Variants in ELOC observed in about 807,000 individuals in gnomAD.
The protein encoded by ELOC is elongin C, also known as elongin-C.
For synonymous variants in ELOC, 40 were observed against 51.3 expected (o/e 0.78, Z 0.94); for missense variants, 38 against 139.0 (o/e 0.27, Z 3.65).
At chr8:73,955,709 G>T in intron 3 of ELOC, 1 of 592,930 alleles carries the variant, frequency 1.7e-6, no homozygotes, top group Non-Finnish European at 3.0e-6. Flanking sequence ...AGATTGCAGT[G>T]AGCTGAGACC....
intron 1 of ELOC, among the ~76,000 whole-genome samples, chr8:73,968,919 T>G (rs1815173290): frequency 6.6e-6 from 1 of 152,220 alleles, no homozygotes; most frequent in South Asian, 2.1e-4. Context: ...CATTTCTTCC[T>G]TAGTACTCCA....
intron 1 of ELOC, among the ~76,000 whole-genome samples, chr8:73,960,295 T>A (rs571543876): frequency 1.3e-5 from 2 of 152,292 alleles, no homozygotes; most frequent in African/African-American, 4.8e-5. Context: ...GGTCCTGTTG[T>A]ATAATAAAGA....
intron 1 of ELOC, among the ~76,000 whole-genome samples, chr8:73,968,888 C>T (rs994679855): frequency 1.3e-5 from 2 of 152,192 alleles, no homozygotes; most frequent in African/African-American, 4.8e-5. Flanking sequence ...TATACAATTG[C>T]CTACTCCCTC....
intron 3 of ELOC, among the ~76,000 whole-genome samples, chr8:73,952,459 G>A (rs1287704295): frequency 6.8e-6 from 1 of 147,978 alleles, no homozygotes; most frequent in Non-Finnish European, 1.5e-5. Flanking sequence ...AAAAATAAAA[G>A]TGTGCTTCAA....
chr8:73,949,057 G>A (rs1813574693), intron 3 of ELOC, among the ~76,000 whole-genome samples: 1 of 152,086 alleles, frequency 6.6e-6, no homozygotes, highest in African/African-American at 2.4e-5. Context: ...GTATCATTTA[G>A]CCTTTACACA....
intron 1 of ELOC, among the ~76,000 whole-genome samples, chr8:73,969,161 A>G (rs541632659): frequency 4.6e-5 from 7 of 152,314 alleles, no homozygotes; most frequent in Non-Finnish European, 1.0e-4. Context: ...GGTGTCTACT[A>G]GTTATCGAAC....
At chr8:73,964,930 G>A (rs781710818) in intron 1 of ELOC, among the ~76,000 whole-genome samples, 1 of 150,850 alleles carries the variant, frequency 6.6e-6, no homozygotes, top group South Asian at 2.1e-4. Context: ...GGGAGGCTGA[G>A]ATGGGAGAAT....
chr8:73,951,409 T>C (rs1321897007), intron 3 of ELOC, among the ~76,000 whole-genome samples: 3 of 152,288 alleles, frequency 2.0e-5, no homozygotes, highest in Non-Finnish European at 4.4e-5. Flanking sequence ...CTCACACCTG[T>C]AACCCCAGCA....
intron 3 of ELOC, among the ~76,000 whole-genome samples, chr8:73,950,482 A>G (rs552006735): frequency 3.3e-5 from 5 of 152,352 alleles, no homozygotes; most frequent in Admixed American, 3.3e-4. Context: ...ATGTAACCAA[A>G]TAATATCTTA....
Position 73,946,380 on chromosome 8 carries a change from T to C in ELOC, c.*250A>G. On this transcript the variant is annotated 3_prime_UTR_variant, in exon 4 of 4. Transcript: ENST00000520242. The stretch of plus-strand genomic sequence containing the variant: ...CTGATTTTAAGTCACATTCAAAGGA[T>C]AAGGCAAAACCACCTACGAATTGGC... 1 of 360,820 alleles carries C rather than the reference T, an allele frequency of 2.8e-6. No individual in the cohort carries two copies. Among genetic ancestry groups the C allele is most frequent in the East Asian group, 4.3e-5 (1 of 23,068 alleles). 22.4% of individuals were successfully genotyped at this position (360,820 alleles called of 1,614,324 possible). A position where few individuals can be genotyped will look rare whatever the true frequency, so the allele number is the denominator to read the frequency against.
chr8:73,957,040 G>A (rs1340295097), intron 2 of ELOC, among the ~76,000 whole-genome samples: 1 of 152,004 alleles, frequency 6.6e-6, no homozygotes, highest in East Asian at 1.9e-4. Flanking sequence ...GGGCGTGGTG[G>A]CGGGTGCCTG....
At chr8:73,962,873 T>G (rs568460341) in intron 1 of ELOC, among the ~76,000 whole-genome samples, 5 of 152,364 alleles carry the variant, frequency 3.3e-5, no homozygotes, top group Non-Finnish European at 7.3e-5. Flanking sequence ...TTAAAATTCC[T>G]AATTCTTAGG....
chr8:73,966,246 T>C (rs1814960653), intron 1 of ELOC, among the ~76,000 whole-genome samples: 1 of 152,080 alleles, frequency 6.6e-6, no homozygotes, highest in African/African-American at 2.4e-5. Context: ...ACATACGGCA[T>C]GGTGAAGAAC....
chr8:73,952,480 TAAAA>T (rs754933689), intron 3 of ELOC, among the ~76,000 whole-genome samples: 5 of 133,384 alleles, frequency 3.7e-5, no homozygotes, highest in Non-Finnish European at 8.2e-5. Context: ...ATGACACCAT[TAAAA>T]AAAAAAAAAA....
intron 1 of ELOC, among the ~76,000 whole-genome samples, chr8:73,962,646 G>C (rs1163925399): frequency 6.6e-6 from 1 of 151,904 alleles, no homozygotes; most frequent in Non-Finnish European, 1.5e-5. Context: ...CTTTTATCTG[G>C]AAAATCCCTA....
chr8:73,971,032 C>CAAAA (rs67188912), intron 1 of ELOC, among the ~76,000 whole-genome samples: 1 of 62,008 alleles, frequency 1.6e-5, no homozygotes. Context: ...GACTCCGTCT[C>CAAAA]AAAAAAAAAA....
intron 1 of ELOC, among the ~76,000 whole-genome samples, chr8:73,971,536 G>C (rs887521788): frequency 1.3e-5 from 2 of 151,990 alleles, no homozygotes; most frequent in East Asian, 1.9e-4. Flanking sequence ...AACTCAATGG[G>C]CACAGTATTT....
chr8:73,957,834 A>G (rs535140390), intron 2 of ELOC, among the ~76,000 whole-genome samples: 1 of 152,252 alleles, frequency 6.6e-6, no homozygotes, highest in African/African-American at 2.4e-5. Flanking sequence ...TGTGGAGTAC[A>G]GTGGCACAAT....
intron 3 of ELOC, 153 bp downstream of exon 3, chr8:73,955,758 C>CT (rs1814135099): frequency 3.3e-6 from 3 of 909,544 alleles, no homozygotes; most frequent in East Asian, 2.7e-5. Context: ...GAATGAGACT[C>CT]TGTCTCTCTC....
Sources: allele counts gnomAD v4.1 joint callset (sites outside exome capture counted in the v4.1 genomes callset), GRCh38; gene constraint gnomAD v4.1.1; transcripts MANE v1.5; gene names NCBI Gene and HGNC (gene_info 2026-07-23, HGNC 2026-07-21).